Variants in IPCEF1 observed in about 807,000 individuals in gnomAD.
The protein encoded by IPCEF1 is interactor protein for cytohesin exchange factors 1.
In IPCEF1, 31 loss-of-function variants were observed where a neutral mutation model predicts 50.9. The observed-to-expected ratio is 0.61, with a 90% CI of 0.46 to 0.82. IPCEF1 has a LOEUF of 0.82. Ranked by LOEUF, IPCEF1 falls within the 40% of genes least tolerant of loss-of-function variation. The pLI, the probability that IPCEF1 is intolerant of heterozygous loss-of-function variation, is 0.00. For synonymous variants in IPCEF1, 181 were observed against 192.0 expected (o/e 0.94, Z 0.47); for missense variants, 458 against 514.0 (o/e 0.89, Z 1.05).
chr6:154,182,652 T>C (rs941629752), intron 10 of IPCEF1, among the ~76,000 whole-genome samples: 4 of 152,176 alleles, frequency 2.6e-5, no homozygotes, highest in African/African-American at 9.6e-5. Flanking sequence ...TTAAAATACG[T>C]TTATGAGGTA....
intron 1 of IPCEF1, among the ~76,000 whole-genome samples, chr6:154,345,385 A>G (rs1408800110): frequency 6.6e-6 from 1 of 152,234 alleles, no homozygotes; most frequent in Non-Finnish European, 1.5e-5. Flanking sequence ...ACAGTCAGAA[A>G]ACTCAGAAAT....
intron 1 of IPCEF1, among the ~76,000 whole-genome samples, chr6:154,334,531 G>T (rs917316047): frequency 1.1e-4 from 17 of 152,198 alleles, no homozygotes; most frequent in Non-Finnish European, 2.2e-4. Context: ...ATGCCCCATG[G>T]GATGACCCAG....
intron 10 of IPCEF1, 148 bp downstream of exon 10, chr6:154,199,520 C>A: frequency 1.1e-6 from 1 of 936,936 alleles, no homozygotes; most frequent in Admixed American, 3.1e-5. Flanking sequence ...AACTCCTCTA[C>A]AAAGCAACCT....
intron 2 of IPCEF1, among the ~76,000 whole-genome samples, chr6:154,279,982 AT>A (rs1293932620): frequency 1.9e-4 from 29 of 152,340 alleles, no homozygotes; most frequent in African/African-American, 6.7e-4. Context: ...AATCAGGGAA[AT>A]GCAAGGCAGA....
chr6:154,228,738 T>G (rs1304313669), intron 5 of IPCEF1, among the ~76,000 whole-genome samples: 1 of 152,232 alleles, frequency 6.6e-6, no homozygotes, highest in Non-Finnish European at 1.5e-5. Context: ...CACTCTGCTC[T>G]TGGCCAGATG....
At position 154,241,470 on chromosome 6, in the gene IPCEF1, C is replaced by G. The variant is rs1183455447; in HGVS notation, c.246+5121G>C. ...ACGGTGAATCTAAATGAAATTCCAC[C>G]CTTCTTACTCACAAACTCTTTGTCC... On this transcript the variant is annotated intron_variant, in intron 5 of 11. Coordinates refer to ENST00000367220, the MANE Select transcript of IPCEF1 (RefSeq NM_001130700.2). Among the ~76,000 whole-genome samples the G allele has an allele frequency of 4.6e-5, 7 of 151,966 alleles. No homozygotes were observed. In the East Asian group the frequency reaches 9.6e-4, roughly 21 times the overall value.
chr6:154,333,069 C>T (rs555520394), intron 1 of IPCEF1, among the ~76,000 whole-genome samples: 6 of 152,170 alleles, frequency 3.9e-5, no homozygotes, highest in East Asian at 1.9e-4. Flanking sequence ...AGGCTCCCAA[C>T]GCTAGATTAA....
intron 1 of IPCEF1, among the ~76,000 whole-genome samples, chr6:154,321,526 C>T (rs1783375347): frequency 6.6e-6 from 1 of 151,866 alleles, no homozygotes; most frequent in South Asian, 2.1e-4. Flanking sequence ...ATCTGTAATC[C>T]CAGCACTTTG....
At chr6:154,331,409 G>GAAAGAAAGAAAGAA (rs1562292555) in intron 1 of IPCEF1, among the ~76,000 whole-genome samples, 2 of 42,940 alleles carry the variant, frequency 4.7e-5, no homozygotes, top group Non-Finnish European at 8.3e-5. Context: ...GAAAGAAAGA[G>GAAAGAAAGAAAGAA]AGAGAAAAAG....
At position 154,161,532 on chromosome 6, in the gene IPCEF1, C is replaced by T. The variant is rs149284672; in HGVS notation, c.1105-1492G>A. 2.3e-4 allele frequency among the ~76,000 whole-genome samples: 35 copies of T among 152,152 alleles called. No homozygotes were observed. In the East Asian group the frequency reaches 5.8e-3, roughly 25 times the overall value. On this transcript the variant is annotated intron_variant, in intron 11 of 11. Transcript: ENST00000367220. The stretch of plus-strand genomic sequence containing the variant: ...CTGGCCTACCCAATTTTTCAAAACC[C>T]GTAAATCTATACTTGAGGCATCACA...
At chr6:154,233,601 T>C (rs1018301747) in intron 5 of IPCEF1, among the ~76,000 whole-genome samples, 1 of 152,278 alleles carries the variant, frequency 6.6e-6, no homozygotes, top group East Asian at 1.9e-4. Flanking sequence ...ATTCTTGGCA[T>C]TGATTATAAA....
At chr6:154,278,225 A>G (rs1178504697) in intron 2 of IPCEF1, among the ~76,000 whole-genome samples, 3 of 152,010 alleles carry the variant, frequency 2.0e-5, no homozygotes, top group African/African-American at 4.8e-5. Context: ...TGCAATTTCT[A>G]TGACCTCACA....
intron 1 of IPCEF1, among the ~76,000 whole-genome samples, chr6:154,307,010 G>T (rs115620223): frequency 1.3e-5 from 2 of 152,050 alleles, no homozygotes; most frequent in African/African-American, 2.4e-5. Flanking sequence ...ACATTCATCC[G>T]CTCACAGTTC....
intron 1 of IPCEF1, among the ~76,000 whole-genome samples, chr6:154,295,058 T>C (rs991214529): frequency 1.4e-4 from 21 of 151,704 alleles, no homozygotes; most frequent in African/African-American, 4.8e-4. Context: ...ATTAGTCGGG[T>C]GTGGTGGCGG....
chr6:154,356,122 T>C (rs952849314), intron 1 of IPCEF1, among the ~76,000 whole-genome samples: 3 of 152,150 alleles, frequency 2.0e-5, no homozygotes, highest in Non-Finnish European at 4.4e-5. Flanking sequence ...CTTTCACATA[T>C]ACCCCAGCAA....
intron 1 of IPCEF1, among the ~76,000 whole-genome samples, chr6:154,350,957 C>T (rs1299545804): frequency 7.9e-5 from 12 of 152,076 alleles, no homozygotes; most frequent in African/African-American, 2.2e-4. Flanking sequence ...TGGCATCAAG[C>T]GATCCTCCCA....
rs1798820618 is a variant in IPCEF1 at position 154,158,929 on chromosome 6, A to C, written c.*899T>G. On this transcript the variant is annotated 3_prime_UTR_variant, in exon 12 of 12. Transcript: ENST00000367220. ...TTTTGTTTTTTTGTTTTTTTGAGTA[A>C]AGATATTAAAACAATTCAGATGCCA... is the stretch of plus-strand genomic sequence containing the variant. 1 of 152,094 alleles carries C rather than the reference A, an allele frequency of 6.6e-6. No individual in the cohort carries two copies. The highest frequency in any genetic ancestry group is 2.4e-5 in the African/African-American group (1 of 41,410). The allele number at this position is 152,094 out of a possible 1,614,324, so 9.4% of individuals were successfully genotyped here.
intron 1 of IPCEF1, among the ~76,000 whole-genome samples, chr6:154,349,422 G>T (rs985951528): frequency 1.3e-5 from 2 of 151,276 alleles, no homozygotes; most frequent in Non-Finnish European, 2.9e-5. Context: ...ACGAGGTCTT[G>T]CTATACGTTG....
chr6:154,183,011 G>A (rs545932448), intron 10 of IPCEF1, among the ~76,000 whole-genome samples: 132 of 150,872 alleles, frequency 8.7e-4, no homozygotes, highest in African/African-American at 2.7e-3. Context: ...ACGGACTCTC[G>A]CTCTGTAGCC....
Sources: gnomAD v4.1 joint callset for allele counts (sites outside exome capture counted in the v4.1 genomes callset) on GRCh38, gnomAD v4.1.1 for gene constraint, MANE v1.5 for transcripts, NCBI Gene and HGNC (gene_info 2026-07-23, HGNC 2026-07-21) for gene names.